SLC2A3: variants seen among roughly 807,000 people sequenced by gnomAD.
SLC2A3 encodes the protein solute carrier family 2, facilitated glucose transporter member 3.
In SLC2A3, 21 loss-of-function variants were observed where a neutral mutation model predicts 46.4. The ratio of observed to expected loss-of-function variants is 0.45; its 90% CI spans 0.32 to 0.65. The LOEUF (loss-of-function observed/expected upper bound fraction) is 0.65, where lower values mean the gene tolerates loss of function less well. SLC2A3 is among the 30% of genes least tolerant of loss of function. The pLI is 0.04. For missense variants in SLC2A3, 499 were observed against 623.3 expected, an observed-to-expected ratio of 0.80 and a Z score of 2.12; for synonymous variants, 213 against 239.4, an observed-to-expected ratio of 0.89 and a Z score of 1.02.
At position 7,933,822 on chromosome 12, in the gene SLC2A3, A is replaced by G. The variant is rs1378853915; in HGVS notation, c.96T>C (p.Asn32=). 6.2e-7 allele frequency: 1 copy of G among 1,613,704 alleles called. No individual in the cohort carries two copies. The change falls in exon 2 of 10, where the codon AAT becomes AAC. Residue 32 remains asparagine (N), a synonymous_variant. Transcript: ENST00000075120. Reference sequence around the variant, plus strand: ...GCCTGGCACTCACCTTCTCAGGAGCATTGATGACCCCAGTGTTGTAGCCAA... The same window carrying G: ...GCCTGGCACTCACCTTCTCAGGAGCGTTGATGACCCCAGTGTTGTAGCCAA... ...FQFGYNTGVI[N]APEKIIKEFI...
chr12:7,924,445 A>T lies in SLC2A3; in HGVS notation c.1033T>A (p.Cys345Ser). ...AAAGAAACAGTCATGAGCGTGGAACAAAAAGCCATCCCTCCAAGGCCTATC... is the reference window on the plus strand; with the variant it reads ...AAAGAAACAGTCATGAGCGTGGAACTAAAAGCCATCCCTCCAAGGCCTATC... ...HMIGLGGMAF[C>S]STLMTVSLLL... The change falls in exon 8 of 10, where the codon TGT becomes AGT. Residue 345 changes from cysteine (C) to serine (S), a missense_variant. Physicochemically the swap from Cys to Ser is moderately radical, Grantham distance 112. Transcript: ENST00000075120. 1 of 1,610,922 alleles carries T rather than the reference A, an allele frequency of 6.2e-7. No individual in the cohort carries two copies. The highest frequency in any genetic ancestry group is 8.5e-7 in the Non-Finnish European group (1 of 1,179,182).
At position 7,919,819 on chromosome 12, in the gene SLC2A3, G is replaced by A. The variant is rs970190573; in HGVS notation, c.*1594C>T. ...GGTTTGGCTAAAGGGTCTGAGATGTGTAAGCACCAAGAAGGGAAAGGGAGA... is the reference window on the plus strand; with the variant it reads ...GGTTTGGCTAAAGGGTCTGAGATGTATAAGCACCAAGAAGGGAAAGGGAGA... On this transcript the variant is annotated 3_prime_UTR_variant, in exon 10 of 10. Coordinates refer to ENST00000075120, the MANE Select transcript of SLC2A3 (RefSeq NM_006931.3). 1.3e-5 allele frequency: 2 copies of A among 152,168 alleles called. No individual in the cohort carries two copies. Among genetic ancestry groups the A allele is most frequent in the African/African-American group, 4.8e-5 (2 of 41,430 alleles). 9.4% of individuals were successfully genotyped at this position (152,168 alleles called of 1,614,324 possible). A position where few individuals can be genotyped will look rare whatever the true frequency, so the allele number is the denominator to read the frequency against.
chr12:7,926,755 C>A (rs1346380629), intron 6 of SLC2A3, among the ~76,000 whole-genome samples: 1 of 152,152 alleles, frequency 6.6e-6, no homozygotes, highest in Non-Finnish European at 1.5e-5. Context: ...AATTGAATAA[C>A]CTTATCCTGC....
chr12:7,921,370 G>C lies in SLC2A3; in HGVS notation c.*43C>G. On this transcript the variant is annotated 3_prime_UTR_variant, in exon 10 of 10. Coordinates refer to ENST00000075120, the MANE Select transcript of SLC2A3 (RefSeq NM_006931.3). ...GAGGTCTCTCCCTTGTTGAGGGAGA[G>C]GTGGCTTTCCCATGCCGGGAGGGAG... 1.2e-6 allele frequency: 2 copies of C among 1,613,698 alleles called. No homozygotes were observed. Among genetic ancestry groups the C allele is most frequent in the Non-Finnish European group, 1.7e-6 (2 of 1,179,638 alleles).
At chr12:7,921,915 G>A (rs1474817279) in intron 9 of SLC2A3, among the ~76,000 whole-genome samples, 5 of 152,132 alleles carry the variant, frequency 3.3e-5, no homozygotes, top group African/African-American at 9.6e-5. Flanking sequence ...TTTCTGGGCC[G>A]AGTGCGGTGG....
rs758865344 is a variant in SLC2A3, at chr12:7,935,916, T to C, written c.15+104A>G. 3.4e-5 allele frequency: 33 copies of C among 975,792 alleles called. No individual in the cohort carries two copies. In the Admixed American group the frequency reaches 5.5e-4, roughly 16 times the overall value. The allele number at this position is 975,792 out of a possible 1,614,324, so 60.4% of individuals were successfully genotyped here. On this transcript the variant is annotated intron_variant, in intron 1 of 9. Transcript: ENST00000075120. ...CGAAATGAAAAGGCCTTAAGATAGC[T>C]TGGTGACTTAGGAGAAAATAGAACA...
At position 7,933,814 on chromosome 12, in the gene SLC2A3, T is replaced by C; in HGVS notation, c.104A>G (p.Glu35Gly). 1 of 1,613,254 alleles carries C rather than the reference T, an allele frequency of 6.2e-7. No homozygotes were observed. Among genetic ancestry groups the C allele is most frequent in the Non-Finnish European group, 8.5e-7 (1 of 1,179,396 alleles). ...GYNTGVINAP[E>G]KIIKEFINKT... ...TTATTGTGGCCTGGCACTCACCTTCTCAGGAGCATTGATGACCCCAGTGTT... is the reference window on the plus strand; with the variant it reads ...TTATTGTGGCCTGGCACTCACCTTCCCAGGAGCATTGATGACCCCAGTGTT... Residue 35 changes from glutamate to glycine, a missense_variant, in exon 2 of 10, where the codon GAG (glutamate) becomes GGG (glycine). Glu to Gly is a moderately conservative substitution (Grantham distance 98). Transcript: ENST00000075120.
intron 3 of SLC2A3, 173 bp downstream of exon 3, chr12:7,932,814 T>A: frequency 1.1e-6 from 1 of 899,792 alleles, no homozygotes; most frequent in Non-Finnish European, 1.7e-6. Context: ...TCCAGGGTAG[T>A]AGAGCTCCAA....
chr12:7,929,562 T>A (rs112237103), intron 6 of SLC2A3, 122 bp downstream of exon 6: 12 of 1,418,774 alleles, frequency 8.5e-6, no homozygotes, highest in Non-Finnish European at 1.0e-5. Context: ...ACTCCTGAGC[T>A]CAAGTGATCC....
intron 3 of SLC2A3, 58 bp downstream of exon 3, chr12:7,932,929 C>T (rs1946172117): frequency 6.2e-7 from 1 of 1,603,914 alleles, no homozygotes; most frequent in East Asian, 2.2e-5. Context: ...TAACTCTCCA[C>T]ACTTGTCCTC....
intron 1 of SLC2A3, among the ~76,000 whole-genome samples, chr12:7,934,465 T>G (rs1334493091): frequency 6.6e-6 from 1 of 151,736 alleles, no homozygotes; most frequent in Non-Finnish European, 1.5e-5. Flanking sequence ...AGTCTTCGTT[T>G]ATTAAATACA....
At position 7,920,967 on chromosome 12, in the gene SLC2A3, T is replaced by G. The variant is rs766786745; in HGVS notation, c.*446A>C. 3.8e-5 allele frequency: 8 copies of G among 208,414 alleles called. No homozygotes were observed. Among genetic ancestry groups the G allele is most frequent in the Non-Finnish European group, 8.1e-5 (8 of 98,248 alleles). 12.9% of individuals were successfully genotyped at this position (208,414 alleles called of 1,614,324 possible). A position where few individuals can be genotyped will look rare whatever the true frequency, so the allele number is the denominator to read the frequency against. On this transcript the variant is annotated 3_prime_UTR_variant, in exon 10 of 10. Coordinates refer to ENST00000075120, the MANE Select transcript of SLC2A3 (RefSeq NM_006931.3). ...ATAAAACTCAAGTTAATTTGCCACG[T>G]AGAGCTGTATGGAAGTGAGGAAGGT... is the stretch of plus-strand genomic sequence containing the variant.
chr12:7,920,127 A>G lies in SLC2A3; in HGVS notation c.*1286T>C, dbSNP rs1287488854. ...ACTTTAGATAATAATCGCTCAGAAA[A>G]AAATCCTCTCCCAGAGCTGAGGTTA... On this transcript the variant is annotated 3_prime_UTR_variant, in exon 10 of 10. Coordinates refer to ENST00000075120, the MANE Select transcript of SLC2A3 (RefSeq NM_006931.3). 2.0e-5 allele frequency: 3 copies of G among 152,588 alleles called. No individual in the cohort carries two copies. Among genetic ancestry groups the G allele is most frequent in the Admixed American group, 1.3e-4 (2 of 15,282 alleles). The allele number at this position is 152,588 out of a possible 1,614,324, so 9.5% of individuals were successfully genotyped here.
In SLC2A3 at chr12:7,932,977, T is replaced by C. The variant is rs750153299; in HGVS notation, c.269+10A>G. ...AGAGCCCACTTCCTTGCCCAGTTTC[T>C]AGTCAATACCTGCCAAAGCGGTTGA... is the stretch of plus-strand genomic sequence containing the variant. On this transcript the variant is annotated intron_variant, in intron 3 of 9. Transcript: ENST00000075120. 1.2e-6 allele frequency: 2 copies of C among 1,613,832 alleles called. No individual in the cohort carries two copies. The highest frequency in any genetic ancestry group is 1.7e-6 in the Non-Finnish European group (2 of 1,179,912).
At chr12:7,935,806 C>T (rs1215025030) in intron 1 of SLC2A3, among the ~76,000 whole-genome samples, 1 of 152,078 alleles carries the variant, frequency 6.6e-6, no homozygotes, top group African/African-American at 2.4e-5. Context: ...CACAACTTCT[C>T]CGGGTGACTT....
intron 8 of SLC2A3, 61 bp from the exon 9 acceptor site, chr12:7,923,085 T>TA: frequency 6.7e-7 from 1 of 1,495,250 alleles, no homozygotes; most frequent in Non-Finnish European, 9.0e-7. Context: ...GTATCTAGGT[T>TA]CCCAGAAGCA....
intron 8 of SLC2A3, 99 bp from the exon 9 acceptor site, chr12:7,923,123 A>T: frequency 8.9e-7 from 1 of 1,119,198 alleles, no homozygotes; most frequent in East Asian, 2.6e-5. Context: ...CCTGTCCCTG[A>T]CGTACAATAC....
chr12:7,923,126 T>A, intron 8 of SLC2A3, 102 bp from the exon 9 acceptor site: 1 of 1,111,712 alleles, frequency 9.0e-7, no homozygotes, highest in Non-Finnish European at 1.3e-6. Flanking sequence ...GTCCCTGACG[T>A]ACAATACAAA....
rs1458756624 is a variant in SLC2A3 at position 7,931,226 on chromosome 12, A to T, written c.510+19T>A. 5 of 1,613,814 alleles carry T rather than the reference A, an allele frequency of 3.1e-6. 1 individual carries two copies. The highest frequency in any genetic ancestry group is 4.2e-6 in the Non-Finnish European group (5 of 1,179,888). On this transcript the variant is annotated intron_variant, in intron 4 of 9. Transcript: ENST00000075120. ...CCCATGAAACTAACACTCATTAAGT[A>T]TGAGAAGTTCTAGAGTACCTGGGCC...
Sources: gnomAD v4.1 joint callset for allele counts (sites outside exome capture counted in the v4.1 genomes callset) on GRCh38, gnomAD v4.1.1 for gene constraint, MANE v1.5 for transcripts, NCBI Gene and HGNC (gene_info 2026-07-23, HGNC 2026-07-21) for gene names.